The following IQSEC1 variants were observed in gnomAD, a reference collection of about 807,000 sequenced individuals.
IQSEC1 encodes the protein IQ motif and Sec7 domain ArfGEF 1.
Under a neutral mutation model 91.0 loss-of-function variants are expected in IQSEC1, and 31 were observed. That is an observed-to-expected ratio of 0.34 (90% CI 0.26 to 0.46). IQSEC1 has a LOEUF of 0.46. Ranked by LOEUF, IQSEC1 falls within the 20% of genes least tolerant of loss-of-function variation. IQSEC1 has a pLI of 1.00. For missense variants in IQSEC1, 1,388 were observed against 1,575.6 expected (o/e 0.88, Z 2.02); for synonymous variants, 699 against 662.6 (o/e 1.05, Z -0.84).
intron 1 of IQSEC1, chr3:13,022,121 G>A (rs1038550525): frequency 2.4e-6 from 3 of 1,231,652 alleles, no homozygotes; most frequent in African/African-American, 1.6e-5. Flanking sequence ...GTGGAGGAGC[G>A]AGTGGCCAAG....
At chr3:13,040,578 C>T (rs1374187620) in intron 1 of IQSEC1, among the ~76,000 whole-genome samples, 1 of 152,234 alleles carries the variant, frequency 6.6e-6, no homozygotes, top group African/African-American at 2.4e-5. Flanking sequence ...CAGTTTGCCA[C>T]TTGCCCACTA....
chr3:13,071,097 T>TC (rs1335411186), intron 1 of IQSEC1, among the ~76,000 whole-genome samples: 2 of 148,450 alleles, frequency 1.3e-5, no homozygotes, highest in Non-Finnish European at 3.0e-5. Context: ...GCTTGAGCCC[T>TC]CCCCCAAACC....
upstream of IQSEC1, among the ~76,000 whole-genome samples, chr3:13,073,461 C>T (rs918103696): frequency 1.3e-5 from 2 of 152,138 alleles, no homozygotes; most frequent in South Asian, 4.1e-4. Context: ...GAGCCTCCCC[C>T]ACCCCCCGCG....
chr3:13,266,085 A>G (rs563768065), intron 1 of IQSEC1, among the ~76,000 whole-genome samples: 8 of 151,130 alleles, frequency 5.3e-5, no homozygotes, highest in African/African-American at 2.0e-4. Context: ...GTGCTCCCAC[A>G]CCCCCGGCAC....
chr3:13,117,682 C>T (rs988979614), intron 2 of IQSEC1, among the ~76,000 whole-genome samples: 7 of 149,376 alleles, frequency 4.7e-5, no homozygotes, highest in African/African-American at 9.9e-5. Flanking sequence ...GACAGGAGTT[C>T]GAGACCAGCC....
Position 12,924,770 on chromosome 3 carries a change from T to G in IQSEC1, c.1569-28A>C, listed in dbSNP as rs145097052. 1,895 of 1,521,100 alleles carry G rather than the reference T, an allele frequency of 1.2e-3. 22 individuals are homozygous for G. The African/African-American group carries it at 0.022, about 18-fold the overall frequency. 94.2% of individuals were successfully genotyped at this position (1,521,100 alleles called of 1,614,324 possible). On this transcript the variant is annotated intron_variant, in intron 3 of 13. Coordinates refer to ENST00000613206, the MANE Select transcript of IQSEC1 (RefSeq NM_001134382.3). This position sits in a 1 kb window ranked among gnomAD's most constrained non-coding sequence, Gnocchi z 6.3. ...GGGGTAGGACGAGAGGCACACTCAG[T>G]CCCAGCTGCCCGGCCACCAGCCAGG...
intron 1 of IQSEC1, among the ~76,000 whole-genome samples, chr3:12,977,541 C>T (rs974143103): frequency 6.6e-6 from 1 of 152,188 alleles, no homozygotes; most frequent in Non-Finnish European, 1.5e-5. Context: ...GAACATCTCA[C>T]CTGGATGTCA....
At position 12,940,161 on chromosome 3, in the gene IQSEC1, A is replaced by G. The variant is rs1395981728; in HGVS notation, c.318+1410T>C. Among the ~76,000 whole-genome samples, 1 of 152,158 alleles carries G rather than the reference A, an allele frequency of 6.6e-6. No individual in the cohort carries two copies. The highest frequency in any genetic ancestry group is 1.5e-5 in the Non-Finnish European group (1 of 68,032). ...TCCACTTTGGATCTGGGCATCACGG[A>G]TAAAGGAACAGAGGTTGCTCTGCCC... On this transcript the variant is annotated intron_variant, in intron 2 of 13. Coordinates refer to ENST00000613206, the MANE Select transcript of IQSEC1 (RefSeq NM_001134382.3). This position sits in a 1 kb window ranked among gnomAD's most constrained non-coding sequence, Gnocchi z 4.4.
chr3:13,139,994 T>G (rs1244999845), intron 2 of IQSEC1, among the ~76,000 whole-genome samples: 2 of 152,200 alleles, frequency 1.3e-5, no homozygotes, highest in Non-Finnish European at 2.9e-5. Context: ...ATAAAGGTGT[T>G]GGAGGCTCAC....
intron 1 of IQSEC1, among the ~76,000 whole-genome samples, chr3:12,999,983 C>A (rs913412395): frequency 6.6e-6 from 1 of 152,224 alleles, no homozygotes; most frequent in African/African-American, 2.4e-5. Flanking sequence ...GCATTTGCCT[C>A]CCTGCTTAGC....
chr3:13,065,146 G>C (rs1482349183), intron 1 of IQSEC1, among the ~76,000 whole-genome samples: 2 of 152,244 alleles, frequency 1.3e-5, no homozygotes, highest in Non-Finnish European at 2.9e-5. Flanking sequence ...ACCACCTCCT[G>C]CAGGGGCCGG....
intron 1 of IQSEC1, among the ~76,000 whole-genome samples, chr3:12,978,296 C>T (rs1166112135): frequency 6.6e-6 from 1 of 152,194 alleles, no homozygotes; most frequent in African/African-American, 2.4e-5. Flanking sequence ...CAACAGTTGT[C>T]CTCAAAGTGG....
intron 1 of IQSEC1, among the ~76,000 whole-genome samples, chr3:13,037,603 G>C (rs943459894): frequency 3.9e-5 from 6 of 152,152 alleles, no homozygotes; most frequent in African/African-American, 1.4e-4. Flanking sequence ...GAACAGGTGG[G>C]AACAACACAA....
intron 2 of IQSEC1, among the ~76,000 whole-genome samples, chr3:13,112,308 GCCAGC>G (rs1370912161): frequency 1.3e-5 from 2 of 152,210 alleles, no homozygotes; most frequent in African/African-American, 4.8e-5. Context: ...GAGGTCACTA[GCCAGC>G]CCAGCCAAAC....
chr3:12,914,016 G>A (rs776853624), intron 8 of IQSEC1, among the ~76,000 whole-genome samples: 1 of 152,182 alleles, frequency 6.6e-6, no homozygotes, highest in Non-Finnish European at 1.5e-5. Flanking sequence ...CAGAAGTAAC[G>A]ACAAAACTAG....
chr3:13,007,237 A>G (rs1483594759), intron 1 of IQSEC1, among the ~76,000 whole-genome samples: 1 of 152,226 alleles, frequency 6.6e-6, no homozygotes, highest in East Asian at 1.9e-4. Flanking sequence ...ACCCCTAGGA[A>G]GAGGGTCAGG....
At chr3:13,201,728 C>T (rs1694250279) in intron 1 of IQSEC1, among the ~76,000 whole-genome samples, 1 of 152,218 alleles carries the variant, frequency 6.6e-6, no homozygotes, top group African/African-American at 2.4e-5. Flanking sequence ...AGAAGCACTA[C>T]ATTTTCCCCC....
In IQSEC1 at chr3:13,034,117, T is replaced by C. The variant is rs569790137; in HGVS notation, c.23+38875A>G. ...AGGTACTGGGGTTACGACGTCAGCA[T>C]GTGAATTCAGGGAGACACTTTTCAG... On this transcript the variant is annotated intron_variant, in intron 1 of 13. Coordinates refer to ENST00000613206, the MANE Select transcript of IQSEC1 (RefSeq NM_001134382.3). Among the ~76,000 whole-genome samples the C allele has an allele frequency of 1.8e-4, 27 of 152,318 alleles. No homozygotes were observed. The East Asian group carries it at 3.1e-3, about 17-fold the overall frequency.
chr3:12,998,952 C>T (rs1170600177), intron 1 of IQSEC1, among the ~76,000 whole-genome samples: 2 of 152,058 alleles, frequency 1.3e-5, no homozygotes, highest in African/African-American at 2.4e-5. Context: ...CCCCCCTAGA[C>T]GTCTTCGTGC....
Sources: gnomAD v4.1 joint callset for allele counts (sites outside exome capture counted in the v4.1 genomes callset) on GRCh38, gnomAD v4.1.1 for gene constraint, Gnocchi (gnomAD v3.1) non-coding constraint, MANE v1.5 for transcripts, NCBI Gene and HGNC (gene_info 2026-07-23, HGNC 2026-07-21) for gene names.